The following PAK3 variants were observed in gnomAD, a reference collection of about 807,000 sequenced individuals.
PAK3 encodes serine/threonine-protein kinase PAK 3.
PAK3 carries 4 observed loss-of-function variants against 41.0 expected under a neutral mutation model. The observed-to-expected ratio is 0.10, with a 90% CI of 0.05 to 0.22. The LOEUF is 0.22. Ranked by LOEUF, PAK3 falls within the 10% of genes least tolerant of loss-of-function variation. PAK3 has a pLI of 1.00. For missense variants in PAK3, 205 were observed against 409.9 expected, an observed-to-expected ratio of 0.50 and a Z score of 4.32; for synonymous variants, 146 against 139.6, an observed-to-expected ratio of 1.05 and a Z score of -0.32.
intron 5 of PAK3, among the ~76,000 whole-genome samples, chrX:111,126,050 C>A (rs1292498002): frequency 9.0e-6 from 1 of 111,493 alleles, no homozygotes; most frequent in Admixed American, 9.5e-5. Context: ...GATTCGACTT[C>A]ACTGACTCTA....
intron 1 of PAK3, among the ~76,000 whole-genome samples, chrX:111,059,118 T>C (rs1049897503): frequency 2.1e-5 from 1 of 47,035 alleles, no homozygotes; most frequent in Admixed American, 3.6e-4. Flanking sequence ...GGATCAACTT[T>C]TCCTTTTTTT....
intron 1 of PAK3, among the ~76,000 whole-genome samples, chrX:111,015,555 A>G (rs2092076014): frequency 9.0e-6 from 1 of 111,587 alleles, no homozygotes; most frequent in Non-Finnish European, 1.9e-5. Context: ...ACCATTTTAC[A>G]TCCCTACCAG....
At chrX:111,168,685 A>G (rs1451077292) in intron 10 of PAK3, among the ~76,000 whole-genome samples, 1 of 111,921 alleles carries the variant, frequency 8.9e-6, no homozygotes, top group East Asian at 2.8e-4. Context: ...AAGGTTGAAT[A>G]ATTTATTACC....
At position 111,069,408 on chromosome X, in the gene PAK3, C is replaced by T. The variant is rs990874163; in HGVS notation, c.-27-53669C>T. 2.7e-5 allele frequency among the ~76,000 whole-genome samples: 3 copies of T among 111,806 alleles called. No individual in the cohort carries two copies. The Admixed American group carries it at 2.9e-4, about 11-fold the overall frequency. On this transcript the variant is annotated intron_variant, in intron 1 of 14. Coordinates refer to the PAK3 transcript ENST00000425146. ...AGGCTAAGAGTTCTAGTTAGTTTTTCTTCCAGTTAACTCCACTGCCTTCTT... is the reference window on the plus strand; with the variant it reads ...AGGCTAAGAGTTCTAGTTAGTTTTTTTTCCAGTTAACTCCACTGCCTTCTT...
chrX:111,101,064 CACAT>C (rs774517858), intron 3 of PAK3, among the ~76,000 whole-genome samples: 1 of 112,147 alleles, frequency 8.9e-6, no homozygotes, highest in Non-Finnish European at 1.9e-5. Context: ...ACAGTACAGA[CACAT>C]AGCACTCACA....
chrX:111,183,515 C>T (rs999722018), intron 11 of PAK3, among the ~76,000 whole-genome samples: 1 of 111,215 alleles, frequency 9.0e-6, no homozygotes, highest in Non-Finnish European at 1.9e-5. Context: ...GACCTCTTGC[C>T]CTTTTTGTTT....
upstream of PAK3, among the ~76,000 whole-genome samples, chrX:111,094,056 A>G (rs1399677634): frequency 1.8e-5 from 2 of 111,087 alleles, no homozygotes; most frequent in African/African-American, 6.5e-5. Flanking sequence ...CATGGTGTAG[A>G]AAAAAACCAG....
intron 1 of PAK3, among the ~76,000 whole-genome samples, chrX:111,066,917 T>G (rs1416195371): frequency 1.8e-5 from 2 of 111,983 alleles, no homozygotes; most frequent in African/African-American, 6.5e-5. Context: ...TTTTTAAGTT[T>G]CTATTGCTAT....
At chrX:111,042,805 A>G (rs1309082150) in intron 1 of PAK3, among the ~76,000 whole-genome samples, 2 of 111,609 alleles carry the variant, frequency 1.8e-5, no homozygotes, top group Non-Finnish European at 3.8e-5. Context: ...TCATCTTCTC[A>G]CTTCCCAGGT....
chrX:111,055,228 T>C (rs1395466565), intron 1 of PAK3, among the ~76,000 whole-genome samples: 1 of 112,153 alleles, frequency 8.9e-6, no homozygotes, highest in Non-Finnish European at 1.9e-5. Context: ...CTGCACACCA[T>C]GAGGAAGGTT....
At chrX:111,091,512 C>G (rs2092928898), upstream of PAK3, among the ~76,000 whole-genome samples, 1 of 112,003 alleles carries the variant, frequency 8.9e-6, no homozygotes, top group African/African-American at 3.2e-5. Context: ...GGAATAGAAC[C>G]TGGGTTTCCT....
At chrX:111,063,600 G>A (rs1030511740) in intron 1 of PAK3, among the ~76,000 whole-genome samples, 1 of 111,063 alleles carries the variant, frequency 9.0e-6, no homozygotes, top group Non-Finnish European at 1.9e-5. Flanking sequence ...ATGAAACTGG[G>A]CATTCATTGC....
At chrX:111,088,507 A>G (rs1260241423) in intron 1 of PAK3, among the ~76,000 whole-genome samples, 1 of 111,950 alleles carries the variant, frequency 8.9e-6, no homozygotes, top group Non-Finnish European at 1.9e-5. Flanking sequence ...GACATCTGTT[A>G]TGTATATCAT....
At chrX:110,977,226 GATAT>G (rs1264235270) in intron 1 of PAK3, among the ~76,000 whole-genome samples, 1 of 109,307 alleles carries the variant, frequency 9.1e-6, no homozygotes, top group African/African-American at 3.3e-5. Context: ...ATATATATAA[GATAT>G]ATATGTATAA....
At chrX:111,204,077 T>C (rs894303962) in intron 16 of PAK3, among the ~76,000 whole-genome samples, 17 of 111,550 alleles carry the variant, frequency 1.5e-4, no homozygotes, top group African/African-American at 5.5e-4. Context: ...GGTTCCTTTT[T>C]AATCAGAAAA....
intron 16 of PAK3, among the ~76,000 whole-genome samples, chrX:111,203,450 A>G (rs191382839): frequency 2.7e-4 from 30 of 111,615 alleles, no homozygotes; most frequent in African/African-American, 9.4e-4. Context: ...CCGAGTAGCT[A>G]GCATATATTG....
In PAK3 at chrX:111,073,075, C is replaced by T. The variant is rs754548538; in HGVS notation, c.-27-50002C>T. Reference sequence around the variant, plus strand: ...GAATCCATACTCCCCCACAGTCTAGCGGGGGCCTCCATGTTCCCACAGCCA... The same window carrying T: ...GAATCCATACTCCCCCACAGTCTAGTGGGGGCCTCCATGTTCCCACAGCCA... On this transcript the variant is annotated intron_variant, in intron 1 of 14. Transcript: ENST00000425146. 1.5e-3 allele frequency among the ~76,000 whole-genome samples: 163 copies of T among 111,224 alleles called. 2 individuals carry two copies. Among genetic ancestry groups the T allele is most frequent in the African/African-American group, 4.3e-3 (131 of 30,616 alleles).
At chrX:111,093,879 C>T (rs1438248860), upstream of PAK3, among the ~76,000 whole-genome samples, 1 of 112,166 alleles carries the variant, frequency 8.9e-6, no homozygotes, top group Non-Finnish European at 1.9e-5. Flanking sequence ...AATCAATAGC[C>T]TAGAAGACCC....
intron 1 of PAK3, among the ~76,000 whole-genome samples, chrX:111,020,583 A>G (rs1023823137): frequency 9.0e-6 from 1 of 111,484 alleles, no homozygotes; most frequent in Admixed American, 9.5e-5. Context: ...CAGTGTATAG[A>G]GACTCTCATC....
Sources: gnomAD v4.1 joint callset for allele counts (sites outside exome capture counted in the v4.1 genomes callset) on GRCh38, gnomAD v4.1.1 for gene constraint, MANE v1.5 for transcripts, NCBI Gene and HGNC (gene_info 2026-07-23, HGNC 2026-07-21) for gene names.